Variants in LRMDA observed in about 807,000 individuals in gnomAD.
The protein encoded by LRMDA is leucine-rich melanocyte differentiation-associated protein.
In LRMDA, 18 loss-of-function variants were observed where a neutral mutation model predicts 29.8. The observed-to-expected ratio is 0.60, with a 90% confidence interval of 0.42 to 0.90. The LOEUF (loss-of-function observed/expected upper bound fraction) is 0.90, where lower values mean the gene tolerates loss of function less well. Among genes scored for constraint, LRMDA ranks in the 40% least tolerant of loss-of-function variants. LRMDA has a pLI of 0.00. For missense variants in LRMDA, 273 were observed against 273.9 expected (o/e 1.00, Z 0.02); for synonymous variants, 125 against 109.4 (o/e 1.14, Z -0.89).
At chr10:76,354,254 GTGTCAAAGGAGGACAT>G (rs1308526701) in intron 6 of LRMDA, among the ~76,000 whole-genome samples, 1 of 152,182 alleles carries the variant, frequency 6.6e-6, no homozygotes, top group African/African-American at 2.4e-5. Context: ...GAGAATCTGA[GTGTCAAAGGAGGACAT>G]TGTGATATGG....
At chr10:75,790,250 T>C (rs1390943911) in intron 2 of LRMDA, among the ~76,000 whole-genome samples, 3 of 152,170 alleles carry the variant, frequency 2.0e-5, no homozygotes, top group Non-Finnish European at 4.4e-5. Flanking sequence ...CCTCAAGTTA[T>C]GATCACAAAA....
At chr10:75,532,837 C>T (rs1231404784) in intron 2 of LRMDA, among the ~76,000 whole-genome samples, 3 of 152,012 alleles carry the variant, frequency 2.0e-5, no homozygotes, top group African/African-American at 7.2e-5. Flanking sequence ...TAATGAGCTC[C>T]GTGGTTGATC....
intron 2 of LRMDA, among the ~76,000 whole-genome samples, chr10:75,499,150 T>C (rs1589161461): frequency 6.6e-6 from 1 of 152,264 alleles, no homozygotes; most frequent in Admixed American, 6.5e-5. Flanking sequence ...TTTTTCCAGA[T>C]TGATGAAAGA....
At chr10:76,333,704 TA>T (rs1157819146) in intron 6 of LRMDA, among the ~76,000 whole-genome samples, 4 of 152,140 alleles carry the variant, frequency 2.6e-5, no homozygotes, top group Non-Finnish European at 5.9e-5. Flanking sequence ...CTTTTGAAAC[TA>T]AAACACAGGG....
chr10:76,144,593 C>T (rs1564665385), intron 5 of LRMDA, among the ~76,000 whole-genome samples: 1 of 152,152 alleles, frequency 6.6e-6, no homozygotes. Context: ...AGATTTTGGG[C>T]TGAGACAGTG....
At chr10:75,993,565 T>G (rs1407092362) in intron 2 of LRMDA, among the ~76,000 whole-genome samples, 1 of 152,010 alleles carries the variant, frequency 6.6e-6, no homozygotes, top group Admixed American at 6.5e-5. Flanking sequence ...AAACTCCATC[T>G]CTACTAAAAA....
chr10:76,286,472 C>T (rs956009331), intron 5 of LRMDA, among the ~76,000 whole-genome samples: 7 of 152,128 alleles, frequency 4.6e-5, no homozygotes, highest in South Asian at 2.1e-4. Flanking sequence ...TCAAGAGGTA[C>T]GAATATTTTG....
chr10:75,662,411 C>T (rs1841765991), intron 2 of LRMDA, among the ~76,000 whole-genome samples: 3 of 152,156 alleles, frequency 2.0e-5, no homozygotes, highest in Admixed American at 2.0e-4. Flanking sequence ...TAGAACTAAC[C>T]TCCACTGCCT....
chr10:76,160,860 C>A (rs1024501061), intron 5 of LRMDA, among the ~76,000 whole-genome samples: 6 of 151,994 alleles, frequency 3.9e-5, no homozygotes, highest in African/African-American at 1.4e-4. Flanking sequence ...GAAAAGCAGT[C>A]CCCCGTTGAG....
chr10:75,662,254 A>G (rs1841762515), intron 2 of LRMDA, among the ~76,000 whole-genome samples: 1 of 152,220 alleles, frequency 6.6e-6, no homozygotes, highest in Admixed American at 6.5e-5. Context: ...GCTCTGATGA[A>G]GTAGAGATGA....
chr10:75,862,141 A>G (rs1040583931), intron 2 of LRMDA, among the ~76,000 whole-genome samples: 1 of 151,170 alleles, frequency 6.6e-6, no homozygotes, highest in African/African-American at 2.4e-5. Context: ...AATCCACTAC[A>G]TTTGTTATAT....
At chr10:76,064,245 G>A (rs1456527486) in intron 5 of LRMDA, among the ~76,000 whole-genome samples, 4 of 152,264 alleles carry the variant, frequency 2.6e-5, no homozygotes, top group African/African-American at 9.6e-5. Context: ...TTTATGATGG[G>A]AAAACCTACT....
chr10:75,752,848 G>T (rs1842984536), intron 2 of LRMDA, among the ~76,000 whole-genome samples: 1 of 152,180 alleles, frequency 6.6e-6, no homozygotes, highest in African/African-American at 2.4e-5. Context: ...TGTCTTGGTT[G>T]AATTTACTCC....
intron 2 of LRMDA, among the ~76,000 whole-genome samples, chr10:75,802,614 G>A (rs192000315): frequency 3.3e-4 from 49 of 148,648 alleles, no homozygotes; most frequent in Admixed American, 2.6e-3. Flanking sequence ...GGGTAGTGTT[G>A]TTTTTTTTTT....
intron 5 of LRMDA, among the ~76,000 whole-genome samples, chr10:76,237,476 A>T (rs1330247268): frequency 6.6e-6 from 1 of 152,192 alleles, no homozygotes. Context: ...ATTAGAGCTG[A>T]TTACACTAAG....
intron 5 of LRMDA, among the ~76,000 whole-genome samples, chr10:76,245,619 A>G (rs912878076): frequency 4.6e-5 from 7 of 152,240 alleles, no homozygotes; most frequent in Admixed American, 2.0e-4. Context: ...CACATTTTAT[A>G]CATTATAAAC....
rs140394201 is a variant in LRMDA, at chr10:76,191,438, A to T, written c.516+132655A>T. On this transcript the variant is annotated intron_variant, in intron 5 of 6. Transcript: ENST00000611255. ...GGATATTTGAATCCTTTGTCACTTC[A>T]TTCCTTCTAACCTTTCCCCAAACAC... is the stretch of plus-strand genomic sequence containing the variant. Among the ~76,000 whole-genome samples, 602 of 152,254 alleles carry T rather than the reference A, an allele frequency of 4.0e-3. 5 individuals carry two copies. The highest frequency in any genetic ancestry group is 0.014 in the African/African-American group (574 of 41,542).
intron 2 of LRMDA, among the ~76,000 whole-genome samples, chr10:75,778,201 CT>C (rs1380239495): frequency 6.4e-4 from 97 of 152,100 alleles, no homozygotes; most frequent in Non-Finnish European, 1.8e-4. Flanking sequence ...CCTCAGCCCC[CT>C]GAGTAGGTGG....
chr10:76,525,644 A>T (rs974000127), intron 6 of LRMDA, among the ~76,000 whole-genome samples: 5 of 151,710 alleles, frequency 3.3e-5, no homozygotes, highest in African/African-American at 1.2e-4. Context: ...GTAATTTATA[A>T]CTCCGGCTAT....
Sources: allele counts gnomAD v4.1 joint callset (sites outside exome capture counted in the v4.1 genomes callset), GRCh38; gene constraint gnomAD v4.1.1; transcripts MANE v1.5; gene names NCBI Gene and HGNC (gene_info 2026-07-23, HGNC 2026-07-21).